The following RECQL variants were observed in gnomAD, a reference collection of about 807,000 sequenced individuals.
RECQL encodes the protein ATP-dependent DNA helicase Q1.
RECQL carries 73 observed loss-of-function variants against 75.8 expected under a neutral mutation model. The ratio of observed to expected loss-of-function variants is 0.96; its 90% CI spans 0.80 to 1.17. The LOEUF (loss-of-function observed/expected upper bound fraction) is 1.17. RECQL is among the 50% of genes most tolerant of loss of function. RECQL has a pLI of 0.00. For synonymous variants in RECQL, 248 were observed against 254.4 expected, an observed-to-expected ratio of 0.97 and a Z score of 0.24; for missense variants, 699 against 772.1, an observed-to-expected ratio of 0.91 and a Z score of 1.12.
intron 2 of RECQL, among the ~76,000 whole-genome samples, chr12:21,494,726 C>T (rs1943473033): frequency 6.6e-6 from 1 of 152,174 alleles, no homozygotes; most frequent in African/African-American, 2.4e-5. Context: ...CCAGAGGACA[C>T]TTCTTTCACC....
chr12:21,490,273 T>C lies in RECQL; in HGVS notation c.320A>G (p.Lys107Arg), dbSNP rs1943384583. Residue 107 changes from lysine (K) to arginine (R), a missense_variant, in exon 4 of 15, where the codon AAG becomes AGG. By Grantham distance (26) the Lys-to-Arg change is conservative. Coordinates refer to ENST00000444129, the MANE Select transcript of RECQL (RefSeq NM_002907.4). Reference sequence around the variant, plus strand: ...TGTAGGCATAACAAGAAATACCTCCTTTCCAGCCATTGTTACGTTAATAGT... The same window carrying C: ...TGTAGGCATAACAAGAAATACCTCCCTTCCAGCCATTGTTACGTTAATAGT... ...LETINVTMAG[K>R]EVFLVMPTGG... is the part of the protein sequence containing the mutation. 1.9e-6 allele frequency: 3 copies of C among 1,613,056 alleles called. No individual in the cohort carries two copies. Among genetic ancestry groups the C allele is most frequent in the Non-Finnish European group, 2.5e-6 (3 of 1,179,190 alleles).
chr12:21,483,329 G>C (rs1238683451), intron 6 of RECQL, 47 bp downstream of exon 6: 2 of 1,258,938 alleles, frequency 1.6e-6, no homozygotes, highest in African/African-American at 3.0e-5. Flanking sequence ...GCTGAGTAAG[G>C]ACACGGTCTA....
intron 8 of RECQL, 53 bp downstream of exon 8, chr12:21,476,858 G>T: frequency 1.7e-6 from 2 of 1,181,186 alleles, no homozygotes; most frequent in Non-Finnish European, 2.5e-6. Context: ...ATGATATGAA[G>T]TCACTTTTTG....
rs113229047 is a variant in RECQL at position 21,484,952 on chromosome 12, G to A, written c.502-1378C>T. 5.7e-3 allele frequency among the ~76,000 whole-genome samples: 859 copies of A among 151,974 alleles called. 8 individuals are homozygous for A. Among genetic ancestry groups the A allele is most frequent in the African/African-American group, 0.019 (782 of 41,480 alleles). The stretch of plus-strand genomic sequence containing the variant: ...CATTTTCATCATGCAGAGTTAATGA[G>A]GAAAAAGTTTATTTTTGTAGAAAAA... On this transcript the variant is annotated intron_variant, in intron 5 of 14. Coordinates refer to ENST00000444129, the MANE Select transcript of RECQL (RefSeq NM_002907.4).
intron 8 of RECQL, 82 bp downstream of exon 8, chr12:21,476,829 T>A: frequency 1.3e-6 from 1 of 757,898 alleles, no homozygotes; most frequent in Non-Finnish European, 2.1e-6. Flanking sequence ...GTTATTCAGT[T>A]ATCAGTATAA....
chr12:21,500,786 T>G (rs1410277177), intron 1 of RECQL, among the ~76,000 whole-genome samples: 1 of 152,156 alleles, frequency 6.6e-6, no homozygotes. Flanking sequence ...CAGGGGCTGT[T>G]TCTACCCTTA....
chr12:21,497,934 G>A (rs560888926), intron 2 of RECQL, among the ~76,000 whole-genome samples: 15 of 152,288 alleles, frequency 9.8e-5, no homozygotes, highest in African/African-American at 2.6e-4. Flanking sequence ...CATTGGAACC[G>A]TCTATAATGA....
Position 21,473,615 on chromosome 12 carries a change from A to G in RECQL, c.1383T>C (p.His461=), listed in dbSNP as rs1565563240. ...SKCRRVLMAQ[H]FDEVWNSEAC... ...CTTCTGAGTTCCATACTTCATCAAA[A>G]TGTTGAGCCATCAACACACGACGAC... is the stretch of plus-strand genomic sequence containing the variant. Residue 461 remains histidine, a synonymous_variant, in exon 12 of 15, where the codon CAT becomes CAC. Transcript: ENST00000444129. 6.2e-7 allele frequency: 1 copy of G among 1,612,914 alleles called. No individual in the cohort carries two copies. Among genetic ancestry groups the G allele is most frequent in the Non-Finnish European group, 8.5e-7 (1 of 1,179,248 alleles).
rs781646591 is a variant in RECQL, at chr12:21,474,828, G to T, written c.1355+13C>A. 1.2e-6 allele frequency: 2 copies of T among 1,609,994 alleles called. No individual in the cohort carries two copies. The highest frequency in any genetic ancestry group is 1.7e-6 in the Non-Finnish European group (2 of 1,176,992). On this transcript the variant is annotated intron_variant, in intron 11 of 14. Coordinates refer to ENST00000444129, the MANE Select transcript of RECQL (RefSeq NM_002907.4). ...TTTAATTGATAAAAGTTATAAAAAG[G>T]TATGTGGCTTACTTGCTTATGTTTT...
chr12:21,495,914 ATTTCCTCAGTTTCAGAATGTATAC>A (rs1943499253), intron 2 of RECQL, among the ~76,000 whole-genome samples: 1 of 152,130 alleles, frequency 6.6e-6, no homozygotes, highest in African/African-American at 2.4e-5. Context: ...CTGTGTGGTT[ATTTCCTCAGTTTCAGAATGTATAC>A]TGAGAACAGA....
rs1428942787 is a variant in RECQL, at chr12:21,501,439, A to G, written c.-315T>C. ...CTTGACCCTTCAAAGCTGTAACAGT[A>G]GTTATCCCAGAGCCTCTCCCCACCG... On this transcript the variant is annotated 5_prime_UTR_variant, in exon 1 of 15. Coordinates refer to ENST00000444129, the MANE Select transcript of RECQL (RefSeq NM_002907.4). 6.2e-6 allele frequency: 1 copy of G among 160,836 alleles called. No homozygotes were observed. Among genetic ancestry groups the G allele is most frequent in the African/African-American group, 2.4e-5 (1 of 41,586 alleles). 10.0% of individuals were successfully genotyped at this position (160,836 alleles called of 1,614,324 possible).
intron 6 of RECQL, among the ~76,000 whole-genome samples, chr12:21,480,456 A>C (rs1943171840): frequency 6.6e-6 from 1 of 152,170 alleles, no homozygotes; most frequent in Non-Finnish European, 1.5e-5. Flanking sequence ...GGCAGAGCTG[A>C]CAACACTTAG....
In RECQL at chr12:21,469,953, C is replaced by G; in HGVS notation, c.*241G>C. ...TATGAACTTATTCTCAAATATTTTA[C>G]ATTTAAAGGGTTTTACATAAAAATT... On this transcript the variant is annotated 3_prime_UTR_variant, in exon 15 of 15. Coordinates refer to ENST00000444129, the MANE Select transcript of RECQL (RefSeq NM_002907.4). The G allele has an allele frequency of 2.5e-6, 1 of 400,282 alleles. No homozygotes were observed. The highest frequency in any genetic ancestry group is 4.3e-6 in the Non-Finnish European group (1 of 234,552). 24.8% of individuals were successfully genotyped at this position (400,282 alleles called of 1,614,324 possible).
intron 4 of RECQL, 143 bp from the exon 5 acceptor site, chr12:21,486,728 T>C: frequency 3.0e-6 from 2 of 665,410 alleles, no homozygotes; most frequent in Admixed American, 4.0e-5. Flanking sequence ...TAGAGTGCAG[T>C]GGTGCGATGT....
rs56736899 is a variant in RECQL, at chr12:21,471,374, TA to T, written c.1667+53del. 0.39 allele frequency: 573,260 copies of T among 1,471,814 alleles called. 112,683 individuals are homozygous for T. Among genetic ancestry groups the T allele is most frequent in the Middle Eastern group, 0.45 (2,533 of 5,644 alleles). The allele number at this position is 1,471,814 out of a possible 1,614,324, so 91.2% of individuals were successfully genotyped here. ...AAACCGTTTATTCTGTTGCAATTTTTAAAAAAAAACCATAAAGACAACCTGA... is the reference window on the plus strand; with the variant it reads ...AAACCGTTTATTCTGTTGCAATTTTTAAAAAAAACCATAAAGACAACCTGA... On this transcript the variant is annotated intron_variant, in intron 13 of 14. Coordinates refer to ENST00000444129, the MANE Select transcript of RECQL (RefSeq NM_002907.4).
At chr12:21,487,499 T>A (rs1298685595) in intron 4 of RECQL, among the ~76,000 whole-genome samples, 1 of 152,216 alleles carries the variant, frequency 6.6e-6, no homozygotes, top group Non-Finnish European at 1.5e-5. Flanking sequence ...ATATATGGCT[T>A]TACGTTTCTG....
intron 2 of RECQL, among the ~76,000 whole-genome samples, chr12:21,494,602 A>C (rs1203902219): frequency 2.0e-5 from 3 of 152,128 alleles, no homozygotes; most frequent in Non-Finnish European, 4.4e-5. Context: ...GGAGCTCTGG[A>C]ATTTCCTGGG....
intron 5 of RECQL, among the ~76,000 whole-genome samples, chr12:21,484,535 C>CA (rs1392038853): frequency 6.6e-6 from 1 of 151,930 alleles, no homozygotes; most frequent in South Asian, 2.1e-4. Context: ...TTAAATAAAA[C>CA]AAAAATATAT....
chr12:21,490,744 C>T (rs1020088533), intron 3 of RECQL, among the ~76,000 whole-genome samples: 1 of 151,968 alleles, frequency 6.6e-6, no homozygotes, highest in African/African-American at 2.4e-5. Context: ...GTCCCAGCTA[C>T]TAAGGAGGCT....
Sources: allele counts gnomAD v4.1 joint callset (sites outside exome capture counted in the v4.1 genomes callset), GRCh38; gene constraint gnomAD v4.1.1; transcripts MANE v1.5; gene names NCBI Gene and HGNC (gene_info 2026-07-23, HGNC 2026-07-21).